NCAM1: variants seen among roughly 807,000 people sequenced by gnomAD.
NCAM1 encodes antigen recognized by monoclonal antibody 5.1H11.
Under a neutral mutation model 109.8 loss-of-function variants are expected in NCAM1, and 14 were observed. The observed-to-expected ratio is 0.13, with a 90% CI of 0.08 to 0.20. NCAM1 has a LOEUF of 0.20. Among genes scored for constraint, NCAM1 ranks in the 10% least tolerant of loss-of-function variants. The probability of loss-of-function intolerance (pLI) is 1.00; values close to 1 mark genes in which losing one functional copy is unlikely to be tolerated. For missense variants in NCAM1, 774 were observed against 1,109.9 expected (o/e 0.70, Z 4.30); for synonymous variants, 418 against 442.9 (o/e 0.94, Z 0.70).
chr11:113,183,444 G>A lies in NCAM1; in HGVS notation c.53-18935G>A, dbSNP rs7925462. Among the ~76,000 whole-genome samples, 1,009 of 152,268 alleles carry A rather than the reference G, an allele frequency of 6.6e-3. 8 individuals carry two copies. Among genetic ancestry groups the A allele is most frequent in the African/African-American group, 0.023 (950 of 41,554 alleles). ...ACAATATTCACCTTAGGAAATACAC[G>A]CAAATGAAAGAGGGTTTGCTGTCAG... On this transcript the variant is annotated intron_variant, in intron 1 of 19. Transcript: ENST00000316851.
intron 15 of NCAM1, among the ~76,000 whole-genome samples, chr11:113,251,388 C>T (rs1346674619): frequency 6.6e-6 from 1 of 152,156 alleles, no homozygotes; most frequent in Middle Eastern, 3.2e-3. Context: ...AAACAGAGAA[C>T]CTGCAATCGG....
At chr11:112,961,845 GC>G (rs1438072908) in intron 1 of NCAM1, among the ~76,000 whole-genome samples, 181 bp downstream of exon 1, 2 of 152,118 alleles carry the variant, frequency 1.3e-5, no homozygotes, top group African/African-American at 2.4e-5. Context: ...TCCCTCCAGG[GC>G]TGCGCTGCAC....
In NCAM1 at chr11:113,157,136, G is replaced by GACACACACACACAC. The variant is rs112454729; in HGVS notation, c.53-45227_53-45214dup. Among the ~76,000 whole-genome samples the GACACACACACACAC allele has an allele frequency of 3.1e-3, 459 of 146,966 alleles. 5 individuals carry two copies. Among genetic ancestry groups the GACACACACACACAC allele is most frequent in the African/African-American group, 9.9e-3 (400 of 40,244 alleles). On this transcript the variant is annotated intron_variant, in intron 1 of 19. Transcript: ENST00000316851. ...TTAAAGACAAAAGGTGTTTCCCTGA[G>GACACACACACACAC]ACACACACACACACACACACACACA...
At position 113,190,371 on chromosome 11, in the gene NCAM1, G is replaced by A. The variant is rs781819241; in HGVS notation, c.53-12008G>A. Among the ~76,000 whole-genome samples, 163 of 152,292 alleles carry A rather than the reference G, an allele frequency of 1.1e-3. No homozygotes were observed. In the Middle Eastern group the frequency reaches 0.017, roughly 16 times the overall value. Reference sequence around the variant, plus strand: ...TGAGAAGGAGAAAGTAATGCTATGGGTAATTCTGTGGATGGATGCATCATA... The same window carrying A: ...TGAGAAGGAGAAAGTAATGCTATGGATAATTCTGTGGATGGATGCATCATA... On this transcript the variant is annotated intron_variant, in intron 1 of 19. Coordinates refer to ENST00000316851, the MANE Select transcript of NCAM1 (RefSeq NM_181351.5).
intron 17 of NCAM1, chr11:113,263,851 G>A (rs782572029): frequency 3.1e-5 from 31 of 985,404 alleles, no homozygotes; most frequent in Non-Finnish European, 3.7e-5. Flanking sequence ...GAGAAGGAGA[G>A]GGACAGGCCA....
At position 113,204,419 on chromosome 11, in the gene NCAM1, C is replaced by T. The variant is rs1944172679; in HGVS notation, c.261C>T (p.Asn87=). 4 of 1,613,900 alleles carry T rather than the reference C, an allele frequency of 2.5e-6. No individual in the cohort carries two copies. The African/African-American group carries it at 5.3e-5, about 22-fold the overall frequency. ...CCACCCTCACCATCTATAACGCCAACATCGACGACGCCGGCATTTACAAGT... is the reference window on the plus strand; with the variant it reads ...CCACCCTCACCATCTATAACGCCAATATCGACGACGCCGGCATTTACAAGT... ...SSSTLTIYNA[N]IDDAGIYKCV... Residue 87 remains asparagine, a synonymous_variant, in exon 3 of 20, where the codon AAC becomes AAT. Coordinates refer to ENST00000316851, the MANE Select transcript of NCAM1 (RefSeq NM_181351.5).
intron 17 of NCAM1, among the ~76,000 whole-genome samples, chr11:113,265,500 CTG>C (rs1207599164): frequency 2.0e-5 from 3 of 152,206 alleles, no homozygotes; most frequent in Admixed American, 2.0e-4. Flanking sequence ...ATGCACAACT[CTG>C]TGGCAAGGTC....
chr11:113,179,277 G>C (rs576741837), intron 1 of NCAM1, among the ~76,000 whole-genome samples: 2 of 152,250 alleles, frequency 1.3e-5, no homozygotes, highest in African/African-American at 2.4e-5. Context: ...GTATGATTAT[G>C]TGTGTACCCC....
chr11:113,118,147 T>C (rs938013174), intron 1 of NCAM1, among the ~76,000 whole-genome samples: 21 of 152,032 alleles, frequency 1.4e-4, no homozygotes, highest in Non-Finnish European at 1.5e-5. Flanking sequence ...TCATTTTTTT[T>C]CTCTGAGGTT....
chr11:113,083,398 G>T (rs993473728), intron 1 of NCAM1, among the ~76,000 whole-genome samples: 69 of 152,294 alleles, frequency 4.5e-4, no homozygotes, highest in African/African-American at 1.5e-3. Flanking sequence ...CATTAGATGG[G>T]AGGTGAGTAT....
At chr11:113,216,234 C>T (rs1377956520) in intron 8 of NCAM1, among the ~76,000 whole-genome samples, 2 of 150,542 alleles carry the variant, frequency 1.3e-5, no homozygotes, top group African/African-American at 2.5e-5. Flanking sequence ...CTGCAGGCTC[C>T]GCCCCCTGGG....
At position 113,101,185 on chromosome 11, in the gene NCAM1, C is replaced by A. The variant is rs951876305; in HGVS notation, c.53-101194C>A. On this transcript the variant is annotated intron_variant, in intron 1 of 19. Coordinates refer to ENST00000316851, the MANE Select transcript of NCAM1 (RefSeq NM_181351.5). ...ATCCCTCATTGTGATTGCTGTCACT[C>A]TGCCTTGGTGTACTCACTTACTTTC... Among the ~76,000 whole-genome samples, 3 of 152,158 alleles carry A rather than the reference C, an allele frequency of 2.0e-5. No individual in the cohort carries two copies. The South Asian group carries it at 6.2e-4, about 32-fold the overall frequency.
rs573641413 is a variant in NCAM1, at chr11:113,173,908, G to A, written c.53-28471G>A. On this transcript the variant is annotated intron_variant, in intron 1 of 19. Coordinates refer to ENST00000316851, the MANE Select transcript of NCAM1 (RefSeq NM_181351.5). ...TGGACTTGGATTGTTGTTGCTTCTA[G>A]CTAGCTCAATGCCAGAGGCCACCTG... is the stretch of plus-strand genomic sequence containing the variant. Among the ~76,000 whole-genome samples, 20 of 151,980 alleles carry A rather than the reference G, an allele frequency of 1.3e-4. No individual in the cohort carries two copies. The South Asian group carries it at 4.2e-3, about 32-fold the overall frequency.
At chr11:113,099,768 G>A (rs7931763) in intron 1 of NCAM1, among the ~76,000 whole-genome samples, 11,121 of 151,974 alleles carry the variant, frequency 0.073, 779 homozygotes, top group Admixed American at 0.17. Context: ...AGCTCACTGC[G>A]ACCTCCGCCT....
In NCAM1 at chr11:113,233,134, G is replaced by T; in HGVS notation, c.1523-13G>T. 6.2e-7 allele frequency: 1 copy of T among 1,610,134 alleles called. No individual in the cohort carries two copies. Among genetic ancestry groups the T allele is most frequent in the Non-Finnish European group, 8.5e-7 (1 of 1,178,756 alleles). On this transcript the variant is annotated splice_polypyrimidine_tract_variant and intron_variant, in intron 12 of 19. Transcript: ENST00000316851. The surrounding 1 kb of genome is among the most constrained non-coding windows in gnomAD (Gnocchi z 4.5). ...TGGGCTCACCTGAGTCTCCATATGT[G>T]TCTTCCCCACAGACACCCCCTCTTC...
chr11:113,242,959 T>A, intron 14 of NCAM1: 1 of 1,578,346 alleles, frequency 6.3e-7, no homozygotes. Flanking sequence ...GCAACAGTTG[T>A]GAATGCATGA....
chr11:112,961,674 T>C lies in NCAM1; in HGVS notation c.52+10T>C. The C allele has an allele frequency of 2.8e-6, 4 of 1,435,948 alleles. No individual in the cohort carries two copies. The highest frequency in any genetic ancestry group is 2.9e-6 in the Non-Finnish European group (3 of 1,035,458). 89.0% of individuals were successfully genotyped at this position (1,435,948 alleles called of 1,614,324 possible). ...TTCCTGGGAACTGCAGGTACATTTT[T>C]TTTTTTTTTAATTCTCAATCTGGTT... On this transcript the variant is annotated intron_variant, in intron 1 of 19. Transcript: ENST00000316851.
intron 1 of NCAM1, among the ~76,000 whole-genome samples, chr11:113,035,996 G>A (rs1336173181): frequency 2.0e-5 from 3 of 151,906 alleles, no homozygotes; most frequent in Non-Finnish European, 2.9e-5. Flanking sequence ...TCAGCCTCAC[G>A]TCAGCATGGC....
At chr11:113,176,669 A>G (rs781941947) in intron 1 of NCAM1, among the ~76,000 whole-genome samples, 1 of 152,174 alleles carries the variant, frequency 6.6e-6, no homozygotes, top group Non-Finnish European at 1.5e-5. Context: ...TTTCTTTCTT[A>G]GTTACATCCT....
Sources: gnomAD v4.1 joint callset for allele counts (sites outside exome capture counted in the v4.1 genomes callset) on GRCh38, gnomAD v4.1.1 for gene constraint, Gnocchi (gnomAD v3.1) non-coding constraint, MANE v1.5 for transcripts, NCBI Gene and HGNC (gene_info 2026-07-23, HGNC 2026-07-21) for gene names.